The following SEPTIN11 variants were observed in gnomAD, a reference collection of about 807,000 sequenced individuals.
SEPTIN11 encodes the protein septin-11.
Under a neutral mutation model 51.4 loss-of-function variants are expected in SEPTIN11, and 25 were observed. The observed-to-expected ratio is 0.49, with a 90% CI of 0.35 to 0.68. The LOEUF is 0.68. SEPTIN11 is among the 30% of genes least tolerant of loss of function. The pLI is 0.00. For missense variants in SEPTIN11, 381 were observed against 520.8 expected, an observed-to-expected ratio of 0.73 and a Z score of 2.61; for synonymous variants, 174 against 184.1, an observed-to-expected ratio of 0.95 and a Z score of 0.44.
intron 1 of SEPTIN11, among the ~76,000 whole-genome samples, chr4:76,950,699 G>A (rs1001785478): frequency 6.6e-6 from 1 of 152,212 alleles, no homozygotes; most frequent in Non-Finnish European, 1.5e-5. Context: ...CCCCGAGTGT[G>A]TGGGCCAAGG....
downstream of SEPTIN11, chr4:77,038,986 C>A: frequency 1.1e-6 from 1 of 903,232 alleles, no homozygotes; most frequent in Non-Finnish European, 1.6e-6. Flanking sequence ...TGTTCTTTCA[C>A]AGCTTGTTGT....
chr4:76,973,332 C>CTG (rs1560701527), intron 1 of SEPTIN11, among the ~76,000 whole-genome samples: 2 of 152,222 alleles, frequency 1.3e-5, no homozygotes, highest in African/African-American at 4.8e-5. Context: ...TCCCTTCAGT[C>CTG]AGTCAGGTCC....
At position 77,035,311 on chromosome 4, in the gene SEPTIN11, T is replaced by C; in HGVS notation, c.*799T>C. On this transcript the variant is annotated 3_prime_UTR_variant, in exon 10 of 10. Transcript: ENST00000264893. ...GAATCTTCTTCTAAGGATGATGGGC[T>C]TTCTACAGCCTGCTTACCACTAACA... The C allele has an allele frequency of 1.0e-6, 1 of 985,440 alleles. No homozygotes were observed. Among genetic ancestry groups the C allele is most frequent in the South Asian group, 4.7e-5 (1 of 21,292 alleles). 61.0% of individuals were successfully genotyped at this position (985,440 alleles called of 1,614,324 possible).
chr4:76,992,218 C>T (rs904033), intron 1 of SEPTIN11, among the ~76,000 whole-genome samples: 79,701 of 152,058 alleles, frequency 0.52, 21,751 homozygotes, highest in Middle Eastern at 0.62. Context: ...CCAGGATCAG[C>T]GAAAATATAC....
intron 1 of SEPTIN11, among the ~76,000 whole-genome samples, chr4:76,951,712 G>A (rs1160483132): frequency 2.6e-5 from 4 of 152,200 alleles, no homozygotes; most frequent in Admixed American, 2.6e-4. Context: ...GGAGGAGGTG[G>A]AAGAAATAAT....
chr4:77,015,139 C>T, intron 5 of SEPTIN11, 122 bp downstream of exon 5: 1 of 835,394 alleles, frequency 1.2e-6, no homozygotes, highest in Non-Finnish European at 1.8e-6. Flanking sequence ...TGTAGTCCAG[C>T]TTTGCCACCA....
At position 76,957,049 on chromosome 4, in the gene SEPTIN11, A is replaced by G. The variant is rs1170601376; in HGVS notation, c.27+7119A>G. 3.4e-5 allele frequency among the ~76,000 whole-genome samples: 5 copies of G among 146,784 alleles called. No homozygotes were observed. The South Asian group carries it at 6.5e-4, about 19-fold the overall frequency. On this transcript the variant is annotated intron_variant, in intron 1 of 9. Coordinates refer to ENST00000264893, the MANE Select transcript of SEPTIN11 (RefSeq NM_018243.4). ...GAGAGATAAGAGTTAGGCAGCCACA[A>G]TGAATTGAAGTCAGAGTGAATTCTC... is the stretch of plus-strand genomic sequence containing the variant.
intron 1 of SEPTIN11, among the ~76,000 whole-genome samples, chr4:76,983,673 C>T (rs529224042): frequency 6.6e-6 from 1 of 152,298 alleles, no homozygotes; most frequent in African/African-American, 2.4e-5. Context: ...ACCCCTATTC[C>T]ATCCTGATAT....
Position 77,036,442 on chromosome 4 carries a change from T to C in SEPTIN11, c.*1930T>C. On this transcript the variant is annotated 3_prime_UTR_variant, in exon 10 of 10. Coordinates refer to ENST00000264893, the MANE Select transcript of SEPTIN11 (RefSeq NM_018243.4). The stretch of plus-strand genomic sequence containing the variant: ...TTCCAACCACCGCTTGTGTGAGCAT[T>C]TTTGTGGCTTGTACAGAAAGTACAC... 11 of 1,185,746 alleles carry C rather than the reference T, an allele frequency of 9.3e-6. No homozygotes were observed. The highest frequency in any genetic ancestry group is 1.6e-5 in the African/African-American group (1 of 61,612). 73.5% of individuals were successfully genotyped at this position (1,185,746 alleles called of 1,614,324 possible). A position where few individuals can be genotyped will look rare whatever the true frequency, so the allele number is the denominator to read the frequency against.
rs143867177 is a variant in SEPTIN11 at position 77,022,471 on chromosome 4, T to A, written c.953+1801T>A. ...TGGGTTAGACAGTAAATATTTTAGG[T>A]TCTGCAGGCCAAACGGTCTCTGTCA... On this transcript the variant is annotated intron_variant, in intron 7 of 9. Coordinates refer to ENST00000264893, the MANE Select transcript of SEPTIN11 (RefSeq NM_018243.4). Among the ~76,000 whole-genome samples the A allele has an allele frequency of 7.4e-3, 1,123 of 152,274 alleles. 14 individuals carry two copies. The highest frequency in any genetic ancestry group is 0.025 in the African/African-American group (1,053 of 41,538).
chr4:76,995,725 A>C (rs1723667267), intron 1 of SEPTIN11: 1 of 1,382,340 alleles, frequency 7.2e-7, no homozygotes, highest in Non-Finnish European at 9.4e-7. Flanking sequence ...ATTTTACTTT[A>C]GCTTCCAGCC....
intron 1 of SEPTIN11, among the ~76,000 whole-genome samples, chr4:76,988,507 GT>G (rs1723164894): frequency 1.3e-5 from 2 of 152,136 alleles, no homozygotes; most frequent in Non-Finnish European, 2.9e-5. Flanking sequence ...TAGGTTTTTT[GT>G]TTGTTTTTTT....
chr4:76,976,618 T>G (rs1722515414), intron 1 of SEPTIN11, among the ~76,000 whole-genome samples: 1 of 152,234 alleles, frequency 6.6e-6, no homozygotes, highest in African/African-American at 2.4e-5. Flanking sequence ...GCTATTTGAC[T>G]TATGTTGGGA....
intron 1 of SEPTIN11, among the ~76,000 whole-genome samples, chr4:76,985,610 G>A (rs1384861260): frequency 6.6e-6 from 1 of 152,210 alleles, no homozygotes; most frequent in Non-Finnish European, 1.5e-5. Flanking sequence ...ATGCAGCATG[G>A]TATTTCCAGG....
chr4:76,957,790 C>T (rs1055613100), intron 1 of SEPTIN11, among the ~76,000 whole-genome samples: 1 of 152,068 alleles, frequency 6.6e-6, no homozygotes, highest in African/African-American at 2.4e-5. Flanking sequence ...AGCCTCCACC[C>T]ATGAATCACC....
At chr4:77,029,229 T>C (rs10470896) in intron 8 of SEPTIN11, among the ~76,000 whole-genome samples, 6,905 of 152,300 alleles carry the variant, frequency 0.045, 240 homozygotes, top group East Asian at 0.096. Flanking sequence ...TCACGGGGCT[T>C]GCACTCCCTG....
In SEPTIN11 at chr4:76,949,881, C is replaced by A; in HGVS notation, c.-23C>A. 1.3e-6 allele frequency: 2 copies of A among 1,521,368 alleles called. No individual in the cohort carries two copies. The highest frequency in any genetic ancestry group is 2.0e-5 in the Admixed American group (1 of 49,924). 94.2% of individuals were successfully genotyped at this position (1,521,368 alleles called of 1,614,324 possible). A position where few individuals can be genotyped will look rare whatever the true frequency, so the allele number is the denominator to read the frequency against. On this transcript the variant is annotated 5_prime_UTR_variant, in exon 1 of 10. Transcript: ENST00000264893. ...GTCGGCGTAAAGCACCCGGGCGCAG[C>A]CGGAGCCGGTGCCGCAGCTGCGATG...
intron 1 of SEPTIN11, among the ~76,000 whole-genome samples, chr4:76,965,872 T>C (rs564421153): frequency 1.3e-5 from 2 of 152,342 alleles, no homozygotes; most frequent in African/African-American, 4.8e-5. Context: ...AAAAGGATCT[T>C]GTATCATCGG....
chr4:76,978,964 A>G (rs191031710), intron 1 of SEPTIN11, among the ~76,000 whole-genome samples: 3 of 152,318 alleles, frequency 2.0e-5, no homozygotes, highest in Admixed American at 2.0e-4. Context: ...ATTTCAGCCC[A>G]TAGTGAATGC....
Sources: gnomAD v4.1 joint callset for allele counts (sites outside exome capture counted in the v4.1 genomes callset) on GRCh38, gnomAD v4.1.1 for gene constraint, MANE v1.5 for transcripts, NCBI Gene and HGNC (gene_info 2026-07-23, HGNC 2026-07-21) for gene names.